The following ABTB3 variants were observed in gnomAD, a reference collection of about 807,000 sequenced individuals.
ABTB3 encodes ankyrin repeat and BTB domain containing 3.
the ABTB3 span, among the ~76,000 whole-genome samples, chr12:107,638,442 T>C: frequency 1.3e-5 from 2 of 152,116 alleles, no homozygotes; most frequent in East Asian, 1.9e-4. Context: ...GGTCCTGCCC[T>C]CAATAGTTTA....
chr12:107,652,932 A>T, the ABTB3 span, among the ~76,000 whole-genome samples: 1 of 152,060 alleles, frequency 6.6e-6, no homozygotes, highest in Non-Finnish European at 1.5e-5. Context: ...TATTTTTGAG[A>T]TGGAGTTTCA....
At chr12:107,588,656 G>A in the ABTB3 span, among the ~76,000 whole-genome samples, 2 of 152,148 alleles carry the variant, frequency 1.3e-5, no homozygotes, top group African/African-American at 4.8e-5. Context: ...GAGTAGCTGG[G>A]ATTACAGGCA....
the ABTB3 span, among the ~76,000 whole-genome samples, chr12:107,414,159 T>G: frequency 9.0e-4 from 137 of 152,278 alleles, no homozygotes; most frequent in African/African-American, 3.2e-3. Context: ...CTGATTAGAA[T>G]CTCAGGGATA....
chr12:107,369,710 T>TG, the ABTB3 span, among the ~76,000 whole-genome samples: 8 of 6,452 alleles, frequency 1.2e-3, no homozygotes, highest in African/African-American at 5.3e-3. Flanking sequence ...AAACATGGTT[T>TG]TTTTTTTTTT....
the ABTB3 span, among the ~76,000 whole-genome samples, chr12:107,432,724 T>C: frequency 1.4e-3 from 206 of 152,304 alleles, no homozygotes; most frequent in African/African-American, 4.7e-3. Context: ...GTGTGTACTA[T>C]GGGGAAGTTG....
chr12:107,540,946 C>T, the ABTB3 span, among the ~76,000 whole-genome samples: 1 of 152,144 alleles, frequency 6.6e-6, no homozygotes, highest in African/African-American at 2.4e-5. Context: ...GAGCTATGAT[C>T]ACCCTGCTGC....
At chr12:107,465,581 C>T in the ABTB3 span, among the ~76,000 whole-genome samples, 1 of 152,166 alleles carries the variant, frequency 6.6e-6, no homozygotes, top group African/African-American at 2.4e-5. Context: ...GCGTCCTGCT[C>T]AGGGGCAGGG....
the ABTB3 span, among the ~76,000 whole-genome samples, chr12:107,431,747 C>A: frequency 1.1e-4 from 17 of 152,310 alleles, no homozygotes; most frequent in African/African-American, 3.9e-4. Context: ...GGTAAATGTA[C>A]CTAATAGCAG....
At chr12:107,635,433 T>C in the ABTB3 span, 15 of 1,577,762 alleles carry the variant, frequency 9.5e-6, no homozygotes, top group Admixed American at 1.7e-5. Flanking sequence ...TGCTTTGTGA[T>C]TTAAGGACGA....
At chr12:107,570,040 T>C in the ABTB3 span, among the ~76,000 whole-genome samples, 1 of 152,172 alleles carries the variant, frequency 6.6e-6, no homozygotes, top group Admixed American at 6.5e-5. Context: ...TAGACCTCAT[T>C]GTAAGAACCA....
chr12:107,485,463 C>A, the ABTB3 span, among the ~76,000 whole-genome samples: 1 of 152,158 alleles, frequency 6.6e-6, no homozygotes, highest in Admixed American at 6.5e-5. Context: ...CTTCTTCTGA[C>A]TCTTGGCCCT....
the ABTB3 span, among the ~76,000 whole-genome samples, chr12:107,425,533 A>G: frequency 6.6e-6 from 1 of 152,168 alleles, no homozygotes; most frequent in African/African-American, 2.4e-5. Context: ...AACTCAAAGA[A>G]TTGCACCTTA....
chr12:107,356,143 T>C, the ABTB3 span, among the ~76,000 whole-genome samples: 2 of 152,158 alleles, frequency 1.3e-5, no homozygotes, highest in Admixed American at 6.5e-5. Flanking sequence ...CCAACAACGA[T>C]AGCTGGTCCA....
chr12:107,520,440 A>G, the ABTB3 span: 25 of 1,593,970 alleles, frequency 1.6e-5, no homozygotes, highest in South Asian at 2.6e-4. Flanking sequence ...TAACTGAAAA[A>G]TAACAATCTG....
chr12:107,634,363 ACTACT>A, the ABTB3 span, among the ~76,000 whole-genome samples: 1 of 152,258 alleles, frequency 6.6e-6, no homozygotes, highest in Non-Finnish European at 1.5e-5. Flanking sequence ...CCCAAAGGTA[ACTACT>A]CTATTTTTTT....
At chr12:107,385,769 G>A in the ABTB3 span, among the ~76,000 whole-genome samples, 1 of 152,136 alleles carries the variant, frequency 6.6e-6, no homozygotes, top group African/African-American at 2.4e-5. Flanking sequence ...GACTCAAGTT[G>A]GGCAGTCTTA....
chr12:107,389,836 GTGTGTGTGTT>G, the ABTB3 span, among the ~76,000 whole-genome samples: 191 of 91,442 alleles, frequency 2.1e-3, 1 homozygote, highest in South Asian at 9.5e-3. Context: ...GCTGGGGCAT[GTGTGTGTGTT>G]TGTGTGTGTG....
At chr12:107,588,678 G>A in the ABTB3 span, among the ~76,000 whole-genome samples, 1 of 152,066 alleles carries the variant, frequency 6.6e-6, no homozygotes, top group Non-Finnish European at 1.5e-5. Context: ...GTGCCACCAC[G>A]CCCGGCTACT....
the ABTB3 span, among the ~76,000 whole-genome samples, chr12:107,545,843 C>T: frequency 2.0e-5 from 3 of 152,290 alleles, no homozygotes; most frequent in African/African-American, 7.2e-5. Flanking sequence ...TCTAGCTCTT[C>T]ACTCCTAGCC....
Sources: gnomAD v4.1 joint callset for allele counts (sites outside exome capture counted in the v4.1 genomes callset) on GRCh38, gnomAD v4.1.1 for gene constraint, MANE v1.5 for transcripts, NCBI Gene and HGNC (gene_info 2026-07-23, HGNC 2026-07-21) for gene names.